The following ADAM12 variants were observed in gnomAD, a reference collection of about 807,000 sequenced individuals.
The protein encoded by ADAM12 is ADAM metallopeptidase domain 12.
ADAM12 carries 70 observed loss-of-function variants against 106.4 expected under a neutral mutation model. The ratio of observed to expected loss-of-function variants is 0.66; its 90% CI spans 0.54 to 0.80. The LOEUF is 0.80. Ranked by LOEUF, ADAM12 falls within the 30% of genes least tolerant of loss-of-function variation. ADAM12 has a pLI of 0.00. For missense variants in ADAM12, 1,010 were observed against 1,171.9 expected, an observed-to-expected ratio of 0.86 and a Z score of 2.02; for synonymous variants, 420 against 433.5, an observed-to-expected ratio of 0.97 and a Z score of 0.39.
At chr10:126,171,289 T>A (rs942128900) in intron 3 of ADAM12, among the ~76,000 whole-genome samples, 3 of 152,174 alleles carry the variant, frequency 2.0e-5, no homozygotes, top group African/African-American at 7.2e-5. Context: ...TTTAATTAAG[T>A]AATGCAATAC....
intron 21 of ADAM12, among the ~76,000 whole-genome samples, chr10:126,029,415 G>T (rs1407155289): frequency 6.6e-6 from 1 of 152,154 alleles, no homozygotes; most frequent in African/African-American, 2.4e-5. Flanking sequence ...GCCATAAAAA[G>T]GAATGAGATC....
At chr10:126,084,911 T>C (rs759834990) in intron 11 of ADAM12, among the ~76,000 whole-genome samples, 1 of 152,238 alleles carries the variant, frequency 6.6e-6, no homozygotes, top group Non-Finnish European at 1.5e-5. Flanking sequence ...CTCAGTGTGC[T>C]CACCTGTAAA....
intron 1 of ADAM12, among the ~76,000 whole-genome samples, chr10:126,369,171 T>C (rs1042747129): frequency 6.6e-6 from 1 of 152,170 alleles, no homozygotes; most frequent in Non-Finnish European, 1.5e-5. Context: ...ACATGAAAGG[T>C]TGTACAAACA....
chr10:126,140,698 T>G (rs748866380), intron 4 of ADAM12, among the ~76,000 whole-genome samples: 9 of 152,244 alleles, frequency 5.9e-5, no homozygotes, highest in Non-Finnish European at 1.0e-4. Context: ...CAATGACAAT[T>G]TCGTGAAATT....
At chr10:126,236,618 C>CCACAGGAAGGAGCACT (rs1245285874) in intron 3 of ADAM12, among the ~76,000 whole-genome samples, 12 of 151,134 alleles carry the variant, frequency 7.9e-5, no homozygotes, top group African/African-American at 2.4e-4. Context: ...GAAGGAGCAC[C>CCACAGGAAGGAGCACT]CACAGGAAGG....
At chr10:126,237,067 C>T (rs1171232646) in intron 3 of ADAM12, among the ~76,000 whole-genome samples, 5 of 152,146 alleles carry the variant, frequency 3.3e-5, no homozygotes, top group Admixed American at 6.5e-5. Flanking sequence ...CACAACCCCT[C>T]CCCCCATTTC....
intron 5 of ADAM12, among the ~76,000 whole-genome samples, chr10:126,132,991 C>G (rs1956335668): frequency 6.6e-6 from 1 of 152,178 alleles, no homozygotes; most frequent in African/African-American, 2.4e-5. Context: ...TCCCCACTCC[C>G]TTTTCCCTAA....
At chr10:126,351,072 C>T (rs1384940761) in intron 1 of ADAM12, among the ~76,000 whole-genome samples, 1 of 152,196 alleles carries the variant, frequency 6.6e-6, no homozygotes, top group Non-Finnish European at 1.5e-5. Context: ...AGGCCATGGC[C>T]AGGATTTCAA....
intron 3 of ADAM12, among the ~76,000 whole-genome samples, chr10:126,197,905 C>G (rs540603213): frequency 6.6e-6 from 1 of 152,172 alleles, no homozygotes; most frequent in African/African-American, 2.4e-5. Flanking sequence ...ACGTGGAAGG[C>G]CTAAGTCTCC....
intron 14 of ADAM12, among the ~76,000 whole-genome samples, chr10:126,058,257 G>A (rs775797690): frequency 1.3e-5 from 2 of 152,250 alleles, no homozygotes; most frequent in Non-Finnish European, 2.9e-5. Context: ...TCGGGCCAGC[G>A]CATAGCAGAT....
chr10:126,163,380 T>C (rs1052289143), intron 3 of ADAM12, among the ~76,000 whole-genome samples: 5 of 152,230 alleles, frequency 3.3e-5, no homozygotes, highest in African/African-American at 1.2e-4. Flanking sequence ...GGCCGAGTAC[T>C]GTATTTTCTG....
chr10:126,109,952 G>C, intron 6 of ADAM12, 112 bp from the exon 7 acceptor site: 1 of 952,826 alleles, frequency 1.0e-6, no homozygotes, highest in South Asian at 2.1e-5. Context: ...CCCCATCCCC[G>C]CCAGGCCCCC....
At chr10:126,336,761 T>C (rs1315470922) in intron 1 of ADAM12, among the ~76,000 whole-genome samples, 2 of 152,166 alleles carry the variant, frequency 1.3e-5, no homozygotes, top group African/African-American at 2.4e-5. Context: ...CAATACAGAA[T>C]ATAGCTTCTC....
chr10:126,192,659 A>ATCCC (rs1957524988), intron 3 of ADAM12, among the ~76,000 whole-genome samples: 6 of 152,234 alleles, frequency 3.9e-5, no homozygotes, highest in Admixed American at 3.9e-4. Context: ...AGTAGATGGG[A>ATCCC]TCCCCCTCGG....
intron 1 of ADAM12, among the ~76,000 whole-genome samples, chr10:126,338,315 G>C (rs911947255): frequency 1.4e-5 from 2 of 145,480 alleles, no homozygotes; most frequent in East Asian, 4.2e-4. Context: ...TGCAGTGGCG[G>C]GATCTCGGCT....
chr10:126,145,123 T>C (rs1039092371), intron 4 of ADAM12, among the ~76,000 whole-genome samples: 1 of 152,184 alleles, frequency 6.6e-6, no homozygotes, highest in Admixed American at 6.5e-5. Flanking sequence ...TTATGTCATA[T>C]GTTGTTAGAA....
At chr10:126,195,436 G>A (rs1385787048) in intron 3 of ADAM12, among the ~76,000 whole-genome samples, 1 of 152,240 alleles carries the variant, frequency 6.6e-6, no homozygotes. Flanking sequence ...TTAGCCAGGT[G>A]TGGTGGTGTG....
chr10:126,110,222 T>G (rs1051084254), intron 6 of ADAM12, among the ~76,000 whole-genome samples: 1 of 152,056 alleles, frequency 6.6e-6, no homozygotes, highest in African/African-American at 2.4e-5. Flanking sequence ...AGGTCTTCTC[T>G]GATGACCACA....
intron 3 of ADAM12, among the ~76,000 whole-genome samples, chr10:126,163,218 T>C (rs969571917): frequency 1.3e-5 from 2 of 152,182 alleles, no homozygotes; most frequent in African/African-American, 2.4e-5. Context: ...TATTTCTTCA[T>C]AGCAACGCAA....
Sources: allele counts gnomAD v4.1 joint callset (sites outside exome capture counted in the v4.1 genomes callset), GRCh38; gene constraint gnomAD v4.1.1; transcripts MANE v1.5; gene names NCBI Gene and HGNC (gene_info 2026-07-23, HGNC 2026-07-21).